Variants in PPP1R8 observed in about 807,000 individuals in gnomAD.
PPP1R8 encodes the protein protein phosphatase 1 regulatory subunit 8, also known as nuclear inhibitor of protein phosphatase 1.
A neutral mutation model predicts 31.3 loss-of-function variants in PPP1R8; 4 were observed. The ratio of observed to expected loss-of-function variants is 0.13; its 90% confidence interval spans 0.06 to 0.29. The LOEUF is 0.29. PPP1R8 is among the 10% of genes least tolerant of loss of function. The pLI is 1.00. For synonymous variants in PPP1R8, 170 were observed against 169.7 expected, an observed-to-expected ratio of 1.00 and a Z score of -0.01; for missense variants, 254 against 440.1, an observed-to-expected ratio of 0.58 and a Z score of 3.78.
At chr1:27,831,149 C>A in intron 1 of PPP1R8, 1 of 1,261,656 alleles carries the variant, frequency 7.9e-7, no homozygotes, top group Non-Finnish European at 1.0e-6. Context: ...AGCGATTAGC[C>A]AGTCGCCGGA....
At chr1:27,844,794 T>G (rs2089257532) in intron 5 of PPP1R8, among the ~76,000 whole-genome samples, 1 of 139,158 alleles carries the variant, frequency 7.2e-6, no homozygotes, top group South Asian at 2.4e-4. Flanking sequence ...CTCAGTTCAC[T>G]GCAACCTCCG....
intron 2 of PPP1R8, among the ~76,000 whole-genome samples, chr1:27,833,957 C>G (rs1372353048): frequency 6.6e-6 from 1 of 152,170 alleles, no homozygotes; most frequent in African/African-American, 2.4e-5. Flanking sequence ...ATGGGTTCTT[C>G]TCTCTTAAAG....
intron 5 of PPP1R8, among the ~76,000 whole-genome samples, chr1:27,844,572 T>C (rs1041253744): frequency 8.6e-5 from 13 of 151,850 alleles, no homozygotes; most frequent in Non-Finnish European, 1.5e-4. Flanking sequence ...TCAGGTGATC[T>C]GCCCTCAACC....
chr1:27,847,941 G>A (rs2089301608), intron 6 of PPP1R8, among the ~76,000 whole-genome samples: 1 of 152,122 alleles, frequency 6.6e-6, no homozygotes, highest in Admixed American at 6.5e-5. Context: ...TTTCCAGAGG[G>A]GTGCAGAGAG....
chr1:27,844,247 C>G (rs757203749), intron 5 of PPP1R8, among the ~76,000 whole-genome samples: 4 of 152,214 alleles, frequency 2.6e-5, no homozygotes, highest in Admixed American at 6.5e-5. Context: ...AAGCGATCCT[C>G]CTGCCTCAGT....
At chr1:27,836,311 A>G (rs745311436) in intron 2 of PPP1R8, among the ~76,000 whole-genome samples, 3 of 152,242 alleles carry the variant, frequency 2.0e-5, no homozygotes, top group Non-Finnish European at 2.9e-5. Context: ...AGAGTCCTTC[A>G]TCTATAACAG....
At chr1:27,835,949 G>A (rs753824265) in intron 2 of PPP1R8, among the ~76,000 whole-genome samples, 1 of 152,204 alleles carries the variant, frequency 6.6e-6, no homozygotes, top group African/African-American at 2.4e-5. Context: ...TGGCATAGAA[G>A]CGCCTAGCAG....
chr1:27,847,254 C>T (rs2089290200), intron 6 of PPP1R8, among the ~76,000 whole-genome samples, 162 bp downstream of exon 6: 1 of 152,146 alleles, frequency 6.6e-6, no homozygotes, highest in South Asian at 2.1e-4. Flanking sequence ...CACTTGTAAT[C>T]CCAGCACTTT....
intron 2 of PPP1R8, among the ~76,000 whole-genome samples, chr1:27,834,228 A>G (rs2089139323): frequency 6.6e-6 from 1 of 152,170 alleles, no homozygotes; most frequent in African/African-American, 2.4e-5. Context: ...AAAACACTCT[A>G]ACTTGCCAGA....
intron 3 of PPP1R8, among the ~76,000 whole-genome samples, chr1:27,840,297 C>T (rs1446271609): frequency 2.6e-5 from 4 of 152,150 alleles, no homozygotes; most frequent in Admixed American, 2.0e-4. Context: ...TACTACCATA[C>T]GCAGAAACAT....
chr1:27,845,321 C>T (rs1393837993), intron 5 of PPP1R8, among the ~76,000 whole-genome samples: 5 of 149,958 alleles, frequency 3.3e-5, no homozygotes, highest in Middle Eastern at 6.9e-3. Flanking sequence ...ACCCAGGAGG[C>T]GGAGCTTGCA....
intron 1 of PPP1R8, chr1:27,831,101 T>C: frequency 3.7e-6 from 5 of 1,360,378 alleles, no homozygotes; most frequent in Non-Finnish European, 3.8e-6. Context: ...AAACCCGGGG[T>C]TGGGGGCTCA....
intron 2 of PPP1R8, among the ~76,000 whole-genome samples, chr1:27,838,026 A>G (rs993843679): frequency 6.6e-6 from 1 of 151,734 alleles, no homozygotes; most frequent in African/African-American, 2.4e-5. Context: ...CCTGGCCAAC[A>G]TGGTAAAACC....
intron 2 of PPP1R8, chr1:27,834,708 T>A: frequency 8.9e-6 from 3 of 337,472 alleles, no homozygotes; most frequent in Non-Finnish European, 1.8e-5. Flanking sequence ...GACATACTGT[T>A]TTCTGTTAAA....
chr1:27,842,685 C>T (rs531645346), intron 4 of PPP1R8, among the ~76,000 whole-genome samples: 5 of 152,146 alleles, frequency 3.3e-5, no homozygotes, highest in Non-Finnish European at 7.4e-5. Context: ...AAAATATTAA[C>T]GCCAAAAATT....
intron 3 of PPP1R8, among the ~76,000 whole-genome samples, chr1:27,840,219 G>A (rs757753039): frequency 5.9e-5 from 9 of 152,142 alleles, no homozygotes; most frequent in Non-Finnish European, 1.3e-4. Context: ...TTGCCCGTGT[G>A]TGAATACAGT....
intron 5 of PPP1R8, among the ~76,000 whole-genome samples, chr1:27,843,805 C>G (rs965804177): frequency 1.3e-5 from 2 of 151,846 alleles, no homozygotes; most frequent in African/African-American, 4.8e-5. Context: ...ATAAAAAAAT[C>G]AGCCAGGCAT....
chr1:27,831,500 T>G (rs2089107082), intron 1 of PPP1R8: 1 of 371,344 alleles, frequency 2.7e-6, no homozygotes, highest in African/African-American at 2.2e-5. Flanking sequence ...ATTTGGTCTT[T>G]GAGTAGGGTA....
intron 3 of PPP1R8, among the ~76,000 whole-genome samples, chr1:27,840,472 C>T (rs1264983108): frequency 6.6e-6 from 1 of 152,184 alleles, no homozygotes; most frequent in Non-Finnish European, 1.5e-5. Flanking sequence ...GATATTGCAC[C>T]TGTTTCAGCC....
Sources: gnomAD v4.1 joint callset for allele counts (sites outside exome capture counted in the v4.1 genomes callset) on GRCh38, gnomAD v4.1.1 for gene constraint, MANE v1.5 for transcripts, NCBI Gene and HGNC (gene_info 2026-07-23, HGNC 2026-07-21) for gene names.